ZNF106: variants seen among roughly 807,000 people sequenced by gnomAD.
The protein encoded by ZNF106 is zinc finger protein 106, also known as SH3-domain binding protein 3.
ZNF106 carries 67 observed loss-of-function variants against 195.1 expected under a neutral mutation model. The observed-to-expected ratio is 0.34, with a 90% confidence interval of 0.28 to 0.42. The LOEUF is 0.42. Ranked by LOEUF, ZNF106 falls within the 10% of genes least tolerant of loss-of-function variation. The pLI is 1.00. For missense variants in ZNF106, 2,118 were observed against 2,304.5 expected (o/e 0.92, Z 1.66); for synonymous variants, 784 against 818.6 (o/e 0.96, Z 0.72).
chr15:42,445,819 C>T (rs541509593), intron 7 of ZNF106, among the ~76,000 whole-genome samples: 1 of 152,262 alleles, frequency 6.6e-6, no homozygotes, highest in African/African-American at 2.4e-5. Context: ...CAGGACTAGC[C>T]CTTATACTAG....
At chr15:42,476,885 T>G (rs745565730) in intron 1 of ZNF106, among the ~76,000 whole-genome samples, 2 of 152,212 alleles carry the variant, frequency 1.3e-5, no homozygotes, top group Non-Finnish European at 2.9e-5. Context: ...TTCTCTAGCT[T>G]ACTTTAAGGA....
intron 1 of ZNF106, among the ~76,000 whole-genome samples, chr15:42,482,521 A>AGTTTTTT (rs2056921147): frequency 9.8e-6 from 1 of 102,540 alleles, no homozygotes; most frequent in African/African-American, 4.6e-5. Flanking sequence ...TGAAATCTCC[A>AGTTTTTT]GTTTTTTTTT....
In ZNF106 at chr15:42,416,894, T is replaced by G. The variant is rs546445750; in HGVS notation, c.*410A>C. On this transcript the variant is annotated 3_prime_UTR_variant, in exon 22 of 22. Transcript: ENST00000564754. ...TCTGGCACTTAAACAAACTTGTACT[T>G]AAAAGCCTGACTATAGGTTTAAACC... The G allele has an allele frequency of 1.3e-5, 2 of 155,062 alleles. No homozygotes were observed. Among genetic ancestry groups the G allele is most frequent in the East Asian group, 3.8e-4 (2 of 5,280 alleles). The allele number at this position is 155,062 out of a possible 1,614,324, so 9.6% of individuals were successfully genotyped here. A position where few individuals can be genotyped will look rare whatever the true frequency, so the allele number is the denominator to read the frequency against.
At chr15:42,424,449 A>C in intron 16 of ZNF106, 1 of 268,604 alleles carries the variant, frequency 3.7e-6, no homozygotes. Flanking sequence ...ATGATGCATG[A>C]GACAACACGG....
intron 1 of ZNF106, among the ~76,000 whole-genome samples, chr15:42,488,909 T>C (rs1341584645): frequency 2.6e-5 from 4 of 151,898 alleles, no homozygotes; most frequent in Non-Finnish European, 4.4e-5. Context: ...AAACCCCGTC[T>C]CTATTAAAAA....
In ZNF106 at chr15:42,450,534, T is replaced by G. The variant is rs779488143; in HGVS notation, c.1738A>C (p.Lys580Gln). Residue 580 changes from lysine to glutamine, a missense_variant, in exon 5 of 22, where the codon AAA (lysine) becomes CAA (glutamine). Lys to Gln is a moderately conservative substitution (Grantham distance 53, BLOSUM62 1). Transcript: ENST00000564754. ...GCTTTTGCATAGTTCCTGGTACTTT[T>G]AGAAGTGCTAAGAAGTGGATTTTGC... ...SLQNPLLSTS[K>Q]STRNYAKASR... The G allele has an allele frequency of 1.9e-6, 3 of 1,614,116 alleles. No homozygotes were observed. The highest frequency in any genetic ancestry group is 1.7e-6 in the Non-Finnish European group (2 of 1,180,052).
At chr15:42,471,060 A>G (rs1041357776) in intron 2 of ZNF106, among the ~76,000 whole-genome samples, 2 of 152,180 alleles carry the variant, frequency 1.3e-5, no homozygotes, top group African/African-American at 4.8e-5. Flanking sequence ...TTAATTACAA[A>G]TTACAGTCCT....
intron 1 of ZNF106, among the ~76,000 whole-genome samples, chr15:42,474,554 T>C (rs2056747512): frequency 6.6e-6 from 1 of 151,698 alleles, no homozygotes; most frequent in Non-Finnish European, 1.5e-5. Flanking sequence ...AGGACAGGAG[T>C]TCAACACCAG....
chr15:42,453,971 G>C (rs1053546340), intron 4 of ZNF106, among the ~76,000 whole-genome samples: 3 of 152,162 alleles, frequency 2.0e-5, no homozygotes, highest in Non-Finnish European at 4.4e-5. Flanking sequence ...GAAAGCAGTA[G>C]AGCAGAGATT....
intron 2 of ZNF106, 139 bp from the exon 3 acceptor site, chr15:42,466,253 C>G: frequency 4.0e-6 from 2 of 495,628 alleles, no homozygotes; most frequent in Non-Finnish European, 6.9e-6. Flanking sequence ...CAATTTAATA[C>G]TGAAATCAGT....
chr15:42,489,082 A>C (rs2057078094), intron 1 of ZNF106, among the ~76,000 whole-genome samples: 2 of 141,514 alleles, frequency 1.4e-5, no homozygotes, highest in Non-Finnish European at 3.1e-5. Flanking sequence ...TCTCTAAAAA[A>C]AAAAAAAAAC....
rs1444345590 is a variant in ZNF106, at chr15:42,440,999, ATATATATATATATAT to A, written c.3763+1059_3763+1073del. 2.9e-3 allele frequency among the ~76,000 whole-genome samples: 93 copies of A among 32,174 alleles called. 12 individuals carry two copies. Among genetic ancestry groups the A allele is most frequent in the South Asian group, 9.7e-3 (7 of 724 alleles). 21.1% of individuals were successfully genotyped at this position (32,174 alleles called of 152,430 possible). A position where few individuals can be genotyped will look rare whatever the true frequency, so the allele number is the denominator to read the frequency against. On this transcript the variant is annotated intron_variant, in intron 10 of 21. Coordinates refer to ENST00000564754, the MANE Select transcript of ZNF106 (RefSeq NM_001366845.3). ...AACTCTGTCTAAAAAAAAAAAAAAA[ATATATATATATATAT>A]ATATATATATATATATATATATATA...
intron 4 of ZNF106, among the ~76,000 whole-genome samples, chr15:42,452,396 G>A (rs2056065557): frequency 6.6e-6 from 1 of 151,922 alleles, no homozygotes; most frequent in South Asian, 2.1e-4. Context: ...AGTGGAGCAC[G>A]CCTGTAACCC....
intron 14 of ZNF106, among the ~76,000 whole-genome samples, chr15:42,431,603 G>C (rs1017348188): frequency 2.0e-5 from 3 of 151,634 alleles, no homozygotes; most frequent in African/African-American, 7.3e-5. Flanking sequence ...TTTTGAGACG[G>C]AGTTTACTTA....
rs751482110 is a variant in ZNF106, at chr15:42,439,658, A to C, written c.3919T>G (p.Ser1307Ala). Reference protein sequence around the residue: ...RNRENSPSSQSAGLSSINKEG... With the variant: ...RNRENSPSSQAAGLSSINKEG... ...TTATTTATGCTAGAAAGACCAGCTGATTGGGAAGAGGGAGAGTTTTCTCTG... is the reference window on the plus strand; with the variant it reads ...TTATTTATGCTAGAAAGACCAGCTGCTTGGGAAGAGGGAGAGTTTTCTCTG... The change falls in exon 11 of 22, where the codon TCA becomes GCA. Residue 1307 changes from serine (S) to alanine (A), a missense_variant. Coordinates refer to ENST00000564754, the MANE Select transcript of ZNF106 (RefSeq NM_001366845.3). The C allele has an allele frequency of 2.7e-5, 44 of 1,613,856 alleles. No homozygotes were observed. The highest frequency in any genetic ancestry group is 3.4e-5 in the Non-Finnish European group (40 of 1,179,984).
At chr15:42,441,066 G>T (rs2055516888) in intron 10 of ZNF106, among the ~76,000 whole-genome samples, 1 of 122,048 alleles carries the variant, frequency 8.2e-6, no homozygotes, top group Non-Finnish European at 1.7e-5. Flanking sequence ...CACGCGCAGT[G>T]GCTCACACCT....
At chr15:42,484,129 T>A (rs984817381) in intron 1 of ZNF106, among the ~76,000 whole-genome samples, 3 of 152,224 alleles carry the variant, frequency 2.0e-5, no homozygotes, top group Non-Finnish European at 2.9e-5. Context: ...CAATCCCCAG[T>A]GTTCTGATCA....
At chr15:42,470,280 T>C (rs1186914363) in intron 2 of ZNF106, among the ~76,000 whole-genome samples, 1 of 152,164 alleles carries the variant, frequency 6.6e-6, no homozygotes, top group Non-Finnish European at 1.5e-5. Context: ...TCCTCCATAG[T>C]TTATTTGGAG....
At chr15:42,459,763 A>C (rs1199063995) in intron 3 of ZNF106, among the ~76,000 whole-genome samples, 1 of 152,106 alleles carries the variant, frequency 6.6e-6, no homozygotes, top group Non-Finnish European at 1.5e-5. Context: ...TTTGTTGGCC[A>C]GGCGCAGTGG....
Sources: allele counts gnomAD v4.1 joint callset (sites outside exome capture counted in the v4.1 genomes callset), GRCh38; gene constraint gnomAD v4.1.1; transcripts MANE v1.5; gene names NCBI Gene and HGNC (gene_info 2026-07-23, HGNC 2026-07-21).